The following CHIC2 variants were observed in gnomAD, a reference collection of about 807,000 sequenced individuals.
CHIC2 encodes cysteine-rich hydrophobic domain-containing protein 2.
Under a neutral mutation model 25.9 loss-of-function variants are expected in CHIC2, and 14 were observed. The observed-to-expected ratio is 0.54, with a 90% CI of 0.36 to 0.85. The LOEUF is 0.85. Among genes scored for constraint, CHIC2 ranks in the 40% least tolerant of loss-of-function variants. The probability of loss-of-function intolerance (pLI) is 0.01; values close to 1 mark genes in which losing one functional copy is unlikely to be tolerated. For missense variants in CHIC2, 146 were observed against 202.0 expected (o/e 0.72, Z 1.68); for synonymous variants, 70 against 72.0 (o/e 0.97, Z 0.14).
At chr4:54,028,459 C>T (rs778206596) in intron 3 of CHIC2, among the ~76,000 whole-genome samples, 48 of 152,120 alleles carry the variant, frequency 3.2e-4, no homozygotes, top group Middle Eastern at 3.2e-3. Flanking sequence ...GTTTTCTCAT[C>T]CTTAAAATAA....
At chr4:54,042,959 C>A (rs1381110938) in intron 3 of CHIC2, among the ~76,000 whole-genome samples, 1 of 152,130 alleles carries the variant, frequency 6.6e-6, no homozygotes, top group Non-Finnish European at 1.5e-5. Context: ...ACTTCCTACT[C>A]TTATTGGTTG....
intron 3 of CHIC2, among the ~76,000 whole-genome samples, chr4:54,036,575 A>T (rs1009568187): frequency 1.3e-5 from 2 of 152,136 alleles, no homozygotes; most frequent in African/African-American, 4.8e-5. Context: ...ATCACCTTCC[A>T]CGAGGCCCTA....
At chr4:54,019,063 GAGAAACCATATATAAT>G (rs1715822966) in intron 3 of CHIC2, among the ~76,000 whole-genome samples, 2 of 151,548 alleles carry the variant, frequency 1.3e-5, no homozygotes, top group Admixed American at 6.6e-5. Flanking sequence ...AGTTATTAGG[GAGAAACCATATATAAT>G]TTAAAATGAA....
At chr4:54,047,999 G>A (rs1429693692) in intron 3 of CHIC2, among the ~76,000 whole-genome samples, 2 of 151,772 alleles carry the variant, frequency 1.3e-5, no homozygotes, top group African/African-American at 4.8e-5. Context: ...TTGTTTATTT[G>A]TTTGTTGAGA....
At chr4:54,082,540 C>G in the CHIC2 span, among the ~76,000 whole-genome samples, 2 of 152,224 alleles carry the variant, frequency 1.3e-5, no homozygotes, top group Non-Finnish European at 2.9e-5. Flanking sequence ...CACTCTATTT[C>G]TATTAGATGA....
intron 3 of CHIC2, among the ~76,000 whole-genome samples, chr4:54,032,975 G>A (rs987516747): frequency 1.3e-5 from 2 of 152,166 alleles, no homozygotes; most frequent in Non-Finnish European, 2.9e-5. Context: ...GTTCTCTCAA[G>A]ATCCGGTTTT....
chr4:54,081,250 A>T, the CHIC2 span, among the ~76,000 whole-genome samples: 1 of 151,680 alleles, frequency 6.6e-6, no homozygotes. Context: ...TTAGCCTCCC[A>T]AGTAGCTAGG....
rs367713903 is a variant in CHIC2, at chr4:54,013,919, G to T, written c.388-23C>A. 11 of 1,611,462 alleles carry T rather than the reference G, an allele frequency of 6.8e-6. No homozygotes were observed. The African/African-American group carries it at 1.5e-4, about 22-fold the overall frequency. On this transcript the variant is annotated intron_variant, in intron 4 of 5. Coordinates refer to ENST00000263921, the MANE Select transcript of CHIC2 (RefSeq NM_012110.4). Reference sequence around the variant, plus strand: ...CAGCTAGACAAGTAGGAAAGTAAAAGAAGAAAAATGAGCTCTATTTTATTG... The same window carrying T: ...CAGCTAGACAAGTAGGAAAGTAAAATAAGAAAAATGAGCTCTATTTTATTG...
chr4:54,082,702 G>A, the CHIC2 span, among the ~76,000 whole-genome samples: 1 of 152,068 alleles, frequency 6.6e-6, no homozygotes, highest in Non-Finnish European at 1.5e-5. Flanking sequence ...GGTTTCCCAG[G>A]TGTATTCCAG....
intron 3 of CHIC2, among the ~76,000 whole-genome samples, chr4:54,025,600 T>C (rs896405005): frequency 6.6e-6 from 1 of 152,140 alleles, no homozygotes. Context: ...AGCTCACGCC[T>C]GTGATCCCAG....
At chr4:54,029,457 T>C (rs1011463439) in intron 3 of CHIC2, among the ~76,000 whole-genome samples, 3 of 152,340 alleles carry the variant, frequency 2.0e-5, no homozygotes, top group South Asian at 2.1e-4. Context: ...ATAAGGCAAA[T>C]TGAATAGCAT....
At chr4:54,013,599 T>C (rs1715656552) in intron 5 of CHIC2, among the ~76,000 whole-genome samples, 1 of 152,162 alleles carries the variant, frequency 6.6e-6, no homozygotes, top group Non-Finnish European at 1.5e-5. Flanking sequence ...CTATTTTATC[T>C]TGGCAATTAA....
In CHIC2 at chr4:54,036,679, T is replaced by C. The variant is rs536069336; in HGVS notation, c.330+12276A>G. On this transcript the variant is annotated intron_variant, in intron 3 of 5. Transcript: ENST00000263921. Reference sequence around the variant, plus strand: ...ACTATACTAAATGTTGACAAGTATGTAGCAGAACAGAATCTATCCTACAGT... The same window carrying C: ...ACTATACTAAATGTTGACAAGTATGCAGCAGAACAGAATCTATCCTACAGT... 9.9e-5 allele frequency among the ~76,000 whole-genome samples: 15 copies of C among 152,246 alleles called. No individual in the cohort carries two copies. In the South Asian group the frequency reaches 2.5e-3, roughly 25 times the overall value.
chr4:54,043,287 G>A (rs192806686), intron 3 of CHIC2, among the ~76,000 whole-genome samples: 15 of 152,134 alleles, frequency 9.9e-5, no homozygotes, highest in Non-Finnish European at 1.9e-4. Flanking sequence ...CAGGTGTGGT[G>A]GTGGGCACCT....
At chr4:54,065,406 C>G, upstream of CHIC2, 1 of 759,806 alleles carries the variant, frequency 1.3e-6, no homozygotes, top group Non-Finnish European at 1.6e-6. Flanking sequence ...AATTCCTTTC[C>G]TTTTCTTACC....
At chr4:54,037,093 G>A (rs992285782) in intron 3 of CHIC2, among the ~76,000 whole-genome samples, 34 of 152,108 alleles carry the variant, frequency 2.2e-4, no homozygotes, top group Non-Finnish European at 3.8e-4. Flanking sequence ...GGCCAAGCAC[G>A]GAGGCTCACA....
intron 1 of CHIC2, among the ~76,000 whole-genome samples, chr4:54,063,558 T>A (rs914904464): frequency 6.6e-6 from 1 of 152,156 alleles, no homozygotes; most frequent in East Asian, 1.9e-4. Flanking sequence ...CTGAGCAGAG[T>A]GTATGTCCCT....
intron 3 of CHIC2, among the ~76,000 whole-genome samples, chr4:54,022,012 A>G (rs573615461): frequency 1.3e-3 from 191 of 152,200 alleles, no homozygotes; most frequent in African/African-American, 4.2e-3. Flanking sequence ...AGCACACAAG[A>G]ACTCCAAACA....
chr4:54,080,475 T>C, the CHIC2 span, among the ~76,000 whole-genome samples: 91 of 151,912 alleles, frequency 6.0e-4, 1 homozygote, highest in South Asian at 0.019. Context: ...TAAAGAGCAC[T>C]GGGGTCTCGG....
Sources: gnomAD v4.1 joint callset for allele counts (sites outside exome capture counted in the v4.1 genomes callset) on GRCh38, gnomAD v4.1.1 for gene constraint, MANE v1.5 for transcripts, NCBI Gene and HGNC (gene_info 2026-07-23, HGNC 2026-07-21) for gene names.